The following GLRA2 variants were observed in gnomAD, a reference collection of about 807,000 sequenced individuals.
GLRA2 encodes glycine receptor alpha 2.
Under a neutral mutation model 31.6 loss-of-function variants are expected in GLRA2, and 11 were observed. The observed-to-expected ratio is 0.35, with a 90% CI of 0.22 to 0.58. The LOEUF (loss-of-function observed/expected upper bound fraction) is 0.58, where lower values mean the gene tolerates loss of function less well. Ranked by LOEUF, GLRA2 falls within the 20% of genes least tolerant of loss-of-function variation. The probability of loss-of-function intolerance (pLI) is 0.84; values close to 1 mark genes in which losing one functional copy is unlikely to be tolerated. For missense variants in GLRA2, 212 were observed against 351.8 expected, an observed-to-expected ratio of 0.60 and a Z score of 3.18; for synonymous variants, 132 against 134.0, an observed-to-expected ratio of 0.99 and a Z score of 0.10.
chrX:14,505,006 A>G, the GLRA2 span, among the ~76,000 whole-genome samples: 1 of 112,012 alleles, frequency 8.9e-6, no homozygotes, highest in African/African-American at 3.2e-5. Flanking sequence ...TTCAATTCAC[A>G]TGAATGGCAA....
intron 3 of GLRA2, among the ~76,000 whole-genome samples, chrX:14,575,001 A>C (rs111706789): frequency 1.8e-5 from 2 of 110,069 alleles, no homozygotes; most frequent in African/African-American, 6.6e-5. Context: ...AAGGGCTGAA[A>C]TTAGAAAAAT....
chrX:14,522,600 T>C, the GLRA2 span, among the ~76,000 whole-genome samples: 1 of 112,432 alleles, frequency 8.9e-6, no homozygotes, highest in Non-Finnish European at 1.9e-5. Flanking sequence ...ACAAAATGTA[T>C]TTCTTAAATA....
At chrX:14,669,167 C>T (rs1286085616) in intron 7 of GLRA2, among the ~76,000 whole-genome samples, 6 of 112,447 alleles carry the variant, frequency 5.3e-5, no homozygotes. Context: ...AAAATGATCT[C>T]CTTTGACTCC....
rs890686960 is a variant in GLRA2, at chrX:14,716,371, T to C, written c.1081-13836T>C. On this transcript the variant is annotated intron_variant, in intron 8 of 8. Transcript: ENST00000218075. ...TAAAGATGTGAATTCAACCAAAGCCTTTCAGATTCTAGCCCAGTGATTTCC... is the reference window on the plus strand; with the variant it reads ...TAAAGATGTGAATTCAACCAAAGCCCTTCAGATTCTAGCCCAGTGATTTCC... Among the ~76,000 whole-genome samples, 4 of 111,727 alleles carry C rather than the reference T, an allele frequency of 3.6e-5. No homozygotes were observed. In the East Asian group the frequency reaches 1.1e-3, roughly 31 times the overall value.
chrX:14,707,205 A>C (rs2091636643), intron 8 of GLRA2, among the ~76,000 whole-genome samples: 1 of 111,614 alleles, frequency 9.0e-6, no homozygotes, highest in Admixed American at 9.5e-5. Context: ...ATGAGAGAGA[A>C]GCATGACATA....
chrX:14,465,410 G>A, the GLRA2 span, among the ~76,000 whole-genome samples: 9 of 111,901 alleles, frequency 8.0e-5, no homozygotes, highest in African/African-American at 2.9e-4. Context: ...GAGACAATTC[G>A]ACTTCTTCTT....
chrX:14,554,635 A>T (rs1476676469), intron 2 of GLRA2, among the ~76,000 whole-genome samples: 1 of 111,398 alleles, frequency 9.0e-6, no homozygotes, highest in Non-Finnish European at 1.9e-5. Flanking sequence ...TAAAATCATG[A>T]CTCTTACACA....
chrX:14,598,215 T>C (rs1190881566), intron 4 of GLRA2, among the ~76,000 whole-genome samples: 3 of 111,840 alleles, frequency 2.7e-5, no homozygotes, highest in Non-Finnish European at 3.8e-5. Context: ...AGAGAAACTA[T>C]TGTAATCATT....
chrX:14,666,343 T>A (rs777994872), intron 7 of GLRA2, among the ~76,000 whole-genome samples: 1 of 112,296 alleles, frequency 8.9e-6, no homozygotes, highest in East Asian at 2.8e-4. Context: ...TGAAAATTAA[T>A]AATTAATAGT....
rs186945428 is a variant in GLRA2 at position 14,609,482 on chromosome X, G to C, written c.930+277G>C. ...GGCTTAGAGACTCTAGGAAGCCCTT[G>C]AGTGCTTTTGATCTCGGTTGTTTAT... On this transcript the variant is annotated intron_variant, in intron 7 of 8. Coordinates refer to ENST00000218075, the MANE Select transcript of GLRA2 (RefSeq NM_002063.4). Among the ~76,000 whole-genome samples the C allele has an allele frequency of 8.1e-5, 9 of 111,220 alleles. No homozygotes were observed. In the East Asian group the frequency reaches 2.6e-3, roughly 32 times the overall value.
chrX:14,676,082 A>C (rs2091143150), intron 7 of GLRA2, among the ~76,000 whole-genome samples: 1 of 112,588 alleles, frequency 8.9e-6, no homozygotes, highest in African/African-American at 3.2e-5. Flanking sequence ...GCCAACAGTT[A>C]TCTCTCATTT....
chrX:14,690,650 A>C, intron 7 of GLRA2, 60 bp from the exon 8 acceptor site: 17 of 805,503 alleles, frequency 2.1e-5, no homozygotes, highest in Non-Finnish European at 3.0e-5. Context: ...AGGCTTTCAT[A>C]GTCTTTCTTT....
the GLRA2 span, among the ~76,000 whole-genome samples, chrX:14,451,324 G>T: frequency 9.0e-6 from 1 of 110,596 alleles, no homozygotes; most frequent in African/African-American, 3.3e-5. Flanking sequence ...TGGTATAAAT[G>T]ACCCCACTTA....
chrX:14,462,933 T>G, the GLRA2 span, among the ~76,000 whole-genome samples: 1 of 111,699 alleles, frequency 9.0e-6, no homozygotes, highest in Non-Finnish European at 1.9e-5. Flanking sequence ...GCATTCTGGT[T>G]TTTGGAATTT....
At chrX:14,715,785 C>T (rs2091776314) in intron 8 of GLRA2, among the ~76,000 whole-genome samples, 2 of 111,319 alleles carry the variant, frequency 1.8e-5, no homozygotes, top group African/African-American at 6.5e-5. Flanking sequence ...CATGGGGGTC[C>T]TTGAATGTCA....
intron 8 of GLRA2, among the ~76,000 whole-genome samples, chrX:14,691,857 TTATGTACAGTAGAGAGAGAAAG>T (rs1375090380): frequency 2.7e-5 from 3 of 112,250 alleles, no homozygotes; most frequent in Non-Finnish European, 5.6e-5. Context: ...AGTTAACATT[TTATGTACAGTAGAGAGAGAAAG>T]ATTTTTCAAA....
chrX:14,527,813 A>AT (rs764258967), upstream of GLRA2, among the ~76,000 whole-genome samples: 8 of 111,183 alleles, frequency 7.2e-5, no homozygotes, highest in Non-Finnish European at 1.5e-4. Context: ...GATTTTATAT[A>AT]TTTTTTTGGG....
intron 7 of GLRA2, among the ~76,000 whole-genome samples, chrX:14,639,349 A>G (rs745720527): frequency 3.9e-4 from 43 of 111,586 alleles, no homozygotes; most frequent in African/African-American, 1.3e-3. Context: ...ACATCTTGGT[A>G]TGAAGCAGGT....
chrX:14,604,538 A>G, intron 5 of GLRA2, 141 bp downstream of exon 5: 2 of 319,602 alleles, frequency 6.3e-6, no homozygotes, highest in Non-Finnish European at 1.1e-5. Flanking sequence ...GGAAAGACAA[A>G]CCAAAGTGTG....
Sources: gnomAD v4.1 joint callset for allele counts (sites outside exome capture counted in the v4.1 genomes callset) on GRCh38, gnomAD v4.1.1 for gene constraint, MANE v1.5 for transcripts, NCBI Gene and HGNC (gene_info 2026-07-23, HGNC 2026-07-21) for gene names.